Variants in LMO3 observed in about 807,000 individuals in gnomAD.
LMO3 encodes LIM domain only 3.
LMO3 carries 2 observed loss-of-function variants against 15.8 expected under a neutral mutation model. That is an observed-to-expected ratio of 0.13 (90% CI 0.05 to 0.40). The LOEUF (loss-of-function observed/expected upper bound fraction) is 0.40. LMO3 is among the 10% of genes least tolerant of loss of function. The probability of loss-of-function intolerance (pLI) is 0.99; values close to 1 mark genes in which losing one functional copy is unlikely to be tolerated. For synonymous variants in LMO3, 62 were observed against 63.8 expected, an observed-to-expected ratio of 0.97 and a Z score of 0.13; for missense variants, 86 against 182.2, an observed-to-expected ratio of 0.47 and a Z score of 3.04.
chr12:16,573,178 G>A (rs149154548), intron 2 of LMO3, among the ~76,000 whole-genome samples: 151 of 151,896 alleles, frequency 9.9e-4, no homozygotes, highest in African/African-American at 3.4e-3. Context: ...CTATTCATAA[G>A]TGCCCCGGAC....
chr12:16,605,739 A>G, intron 1 of LMO3: 1 of 1,532,944 alleles, frequency 6.5e-7, no homozygotes, highest in Non-Finnish European at 8.7e-7. Flanking sequence ...TTCATGGTGA[A>G]CTTTGACTAT....
At chr12:16,577,026 A>G (rs1357518330) in intron 2 of LMO3, among the ~76,000 whole-genome samples, 1 of 152,222 alleles carries the variant, frequency 6.6e-6, no homozygotes, top group Non-Finnish European at 1.5e-5. Flanking sequence ...GAAACTTAGC[A>G]CCAATTCCAT....
At chr12:16,553,064 T>C (rs771020327) in intron 3 of LMO3, among the ~76,000 whole-genome samples, 2 of 152,136 alleles carry the variant, frequency 1.3e-5, no homozygotes, top group Non-Finnish European at 2.9e-5. Context: ...CCTCAATGTT[T>C]GAAACATAGG....
Position 16,558,814 on chromosome 12 carries a change from ATAAC to A in LMO3, c.332+1595_332+1598del, listed in dbSNP as rs1169329843. On this transcript the variant is annotated intron_variant, in intron 3 of 3. Transcript: ENST00000537304. ...GAATATTATTTGGTAAATTATAAAG[ATAAC>A]TAACTTTTGAGAACCTGTTGTGTTC... Among the ~76,000 whole-genome samples, 11 of 152,314 alleles carry A rather than the reference ATAAC, an allele frequency of 7.2e-5. 1 individual carries two copies. In the South Asian group the frequency reaches 1.0e-3, roughly 14 times the overall value.
chr12:16,551,454 A>G (rs1941986887), intron 3 of LMO3, 127 bp from the exon 4 acceptor site: 1 of 617,970 alleles, frequency 1.6e-6, no homozygotes, highest in Admixed American at 2.7e-5. Flanking sequence ...TGGCTTAGAC[A>G]GTTGTCTTCA....
upstream of LMO3, chr12:16,606,877 T>A (rs935564328): frequency 6.6e-5 from 10 of 151,898 alleles, no homozygotes; most frequent in African/African-American, 2.4e-4. Context: ...AAGGGTAGGG[T>A]TCCTAAAATA....
At chr12:16,572,143 A>C (rs1942833075) in intron 2 of LMO3, among the ~76,000 whole-genome samples, 1 of 151,946 alleles carries the variant, frequency 6.6e-6, no homozygotes, top group African/African-American at 2.4e-5. Flanking sequence ...TAATTTGTTA[A>C]AACTTGATGC....
chr12:16,585,322 T>C lies in LMO3; in HGVS notation c.206+15333A>G, dbSNP rs145445902. ...GATTACTGCTTCAAGAAAAAGGATT[T>C]GCATATTTGTGTATATATTTTTAAA... On this transcript the variant is annotated intron_variant, in intron 2 of 3. Transcript: ENST00000537304. The surrounding 1 kb of genome is among the most constrained non-coding windows in gnomAD (Gnocchi z 4.7). 1.8e-3 allele frequency among the ~76,000 whole-genome samples: 280 copies of C among 152,296 alleles called. 1 individual carries two copies. Among genetic ancestry groups the C allele is most frequent in the African/African-American group, 6.6e-3 (276 of 41,560 alleles).
At position 16,604,090 on chromosome 12, in the gene LMO3, A is replaced by G. The variant is rs1358831899; in HGVS notation, c.-9+1976T>C. 1.3e-5 allele frequency among the ~76,000 whole-genome samples: 2 copies of G among 152,160 alleles called. No individual in the cohort carries two copies. Among genetic ancestry groups the G allele is most frequent in the Non-Finnish European group, 2.9e-5 (2 of 68,028 alleles). On this transcript the variant is annotated intron_variant, in intron 1 of 3. Coordinates refer to ENST00000537304, the MANE Select transcript of LMO3 (RefSeq NM_018640.5). This position sits in a 1 kb window ranked among gnomAD's most constrained non-coding sequence, Gnocchi z 5.3. ...CACAGATTAAAAGAATTTGGCCAACATGGCCATTCGATTGCCAAGAGGCAC... is the reference window on the plus strand; with the variant it reads ...CACAGATTAAAAGAATTTGGCCAACGTGGCCATTCGATTGCCAAGAGGCAC...
At position 16,600,839 on chromosome 12, in the gene LMO3, T is replaced by A; in HGVS notation, c.22A>T (p.Thr8Ser). The change falls in exon 2 of 4, where the codon ACC becomes TCC. Residue 8 changes from threonine to serine, a missense_variant. Physicochemically the swap from Thr to Ser is moderately conservative, Grantham distance 58 (BLOSUM62 1). This residue lies in a region of LMO3 where 16 missense variants were observed against 21.8 expected (regional missense o/e 0.73). Transcript: ENST00000537304. ...CAGCCAGCACAACCTTTCGGCTTGG[T>A]GTCTGGCTGGACTGAGAGCATTTGT... MLSVQPDTKPKGCAGCNR... is the reference protein window; with the variant it reads MLSVQPDSKPKGCAGCNR... 1 of 1,614,082 alleles carries A rather than the reference T, an allele frequency of 6.2e-7. No individual in the cohort carries two copies. Among genetic ancestry groups the A allele is most frequent in the Admixed American group, 1.7e-5 (1 of 60,026 alleles).
At chr12:16,605,609 G>T in intron 1 of LMO3, 1 of 706,574 alleles carries the variant, frequency 1.4e-6, no homozygotes, top group Non-Finnish European at 2.3e-6. Flanking sequence ...TAAGGGGGAG[G>T]GGTCCGGAAA....
intron 2 of LMO3, among the ~76,000 whole-genome samples, chr12:16,570,206 G>A (rs1352013641): frequency 6.6e-6 from 1 of 152,062 alleles, no homozygotes; most frequent in African/African-American, 2.4e-5. Flanking sequence ...AAATTGAATA[G>A]GGTTTTCTAG....
At chr12:16,558,545 C>T (rs1467278651) in intron 3 of LMO3, among the ~76,000 whole-genome samples, 4 of 151,940 alleles carry the variant, frequency 2.6e-5, no homozygotes, top group African/African-American at 7.3e-5. Context: ...TTTGTATATC[C>T]TTATCCCTAC....
At chr12:16,557,358 G>A (rs79473000) in intron 3 of LMO3, among the ~76,000 whole-genome samples, 8,667 of 140,366 alleles carry the variant, frequency 0.062, 619 homozygotes, top group African/African-American at 0.18. Flanking sequence ...ATCCCTTAAG[G>A]TGGCAAGGAT....
At chr12:16,554,689 A>C (rs907081532) in intron 3 of LMO3, among the ~76,000 whole-genome samples, 8 of 152,170 alleles carry the variant, frequency 5.3e-5, no homozygotes, top group Non-Finnish European at 1.0e-4. Context: ...TCAGAAAATA[A>C]AATACCTCTC....
intron 2 of LMO3, among the ~76,000 whole-genome samples, chr12:16,565,169 T>C (rs113183642): frequency 1.2e-4 from 19 of 152,272 alleles, no homozygotes; most frequent in African/African-American, 4.1e-4. Flanking sequence ...TAACTACAGA[T>C]GAACAGAGAA....
intron 2 of LMO3, among the ~76,000 whole-genome samples, chr12:16,592,311 T>G (rs957993277): frequency 6.6e-6 from 1 of 152,076 alleles, no homozygotes; most frequent in African/African-American, 2.4e-5. Flanking sequence ...GAAGAGATTC[T>G]TCTAGCTCAG....
At chr12:16,557,980 T>G (rs1942255407) in intron 3 of LMO3, among the ~76,000 whole-genome samples, 1 of 152,080 alleles carries the variant, frequency 6.6e-6, no homozygotes, top group South Asian at 2.1e-4. Context: ...ACAAAAACTT[T>G]TGAAGATACA....
Position 16,591,577 on chromosome 12 carries a change from A to T in LMO3, c.206+9078T>A, listed in dbSNP as rs1271682200. Among the ~76,000 whole-genome samples, 1 of 152,020 alleles carries T rather than the reference A, an allele frequency of 6.6e-6. No homozygotes were observed. Among genetic ancestry groups the T allele is most frequent in the African/African-American group, 2.4e-5 (1 of 41,404 alleles). ...CAAGGCCTTTTACAGTACCTAGAAT[A>T]TACAGAATGATCACATTTATTGAAT... On this transcript the variant is annotated intron_variant, in intron 2 of 3. Transcript: ENST00000537304. The surrounding 1 kb of genome is among the most constrained non-coding windows in gnomAD (Gnocchi z 4.1).
Sources: allele counts gnomAD v4.1 joint callset (sites outside exome capture counted in the v4.1 genomes callset), GRCh38; gene constraint gnomAD v4.1.1; regional missense constraint gnomAD v4.1.1; non-coding constraint Gnocchi (gnomAD v3.1); transcripts MANE v1.5; gene names NCBI Gene and HGNC (gene_info 2026-07-23, HGNC 2026-07-21).